The following CELF2 variants were observed in gnomAD, a reference collection of about 807,000 sequenced individuals.
CELF2 encodes CUG triplet repeat RNA-binding protein 2.
In CELF2, 8 loss-of-function variants were observed where a neutral mutation model predicts 62.6. That is an observed-to-expected ratio of 0.13 (90% confidence interval 0.07 to 0.23). The LOEUF is 0.23. Ranked by LOEUF, CELF2 falls within the 10% of genes least tolerant of loss-of-function variation. The pLI is 1.00. For missense variants in CELF2, 333 were observed against 671.0 expected (o/e 0.50, Z 5.56); for synonymous variants, 258 against 250.0 (o/e 1.03, Z -0.30).
At chr10:11,081,372 A>C (rs2073988608) in intron 1 of CELF2, among the ~76,000 whole-genome samples, 1 of 152,200 alleles carries the variant, frequency 6.6e-6, no homozygotes, top group Non-Finnish European at 1.5e-5. Flanking sequence ...GCTTCTTGAA[A>C]ACTCAAGTTT....
intron 1 of CELF2, among the ~76,000 whole-genome samples, chr10:10,832,292 A>G (rs1260608846): frequency 6.6e-6 from 1 of 152,006 alleles, no homozygotes; most frequent in Non-Finnish European, 1.5e-5. Context: ...AAATAAATAA[A>G]TAAATAAGTA....
In CELF2 at chr10:11,260,136, T is replaced by A. The variant is rs1401724793; in HGVS notation, c.538+2264T>A. 6.6e-6 allele frequency among the ~76,000 whole-genome samples: 1 copy of A among 152,252 alleles called. No individual in the cohort carries two copies. The highest frequency in any genetic ancestry group is 1.5e-5 in the Non-Finnish European group (1 of 68,036). On this transcript the variant is annotated intron_variant, in intron 5 of 12. Transcript: ENST00000633077. The surrounding 1 kb of genome is among the most constrained non-coding windows in gnomAD (Gnocchi z 4.2). Reference sequence around the variant, plus strand: ...TATTTTCTTACCTCTGTCCTGAGCTTTCCCCATTTGTAAATGACAGCCGTA... The same window carrying A: ...TATTTTCTTACCTCTGTCCTGAGCTATCCCCATTTGTAAATGACAGCCGTA...
the CELF2 span, among the ~76,000 whole-genome samples, chr10:10,731,491 T>C: frequency 6.6e-6 from 1 of 152,168 alleles, no homozygotes; most frequent in African/African-American, 2.4e-5. Context: ...AGAATCTAAA[T>C]GAAATGACAT....
chr10:11,291,430 G>A (rs542560612), intron 9 of CELF2, among the ~76,000 whole-genome samples: 340 of 152,132 alleles, frequency 2.2e-3, no homozygotes, highest in Non-Finnish European at 4.1e-3. Context: ...CAATAAATAG[G>A]TTCCTTTGTC....
chr10:11,074,785 T>C (rs2071340466), intron 1 of CELF2, among the ~76,000 whole-genome samples: 1 of 152,220 alleles, frequency 6.6e-6, no homozygotes, highest in African/African-American at 2.4e-5. Context: ...GACACAGCTC[T>C]ATTCCAACCT....
the CELF2 span, among the ~76,000 whole-genome samples, chr10:10,717,989 T>C: frequency 6.6e-6 from 1 of 152,180 alleles, no homozygotes; most frequent in Admixed American, 6.5e-5. Context: ...TAATGATCTG[T>C]AATTGTTTCA....
intron 1 of CELF2, among the ~76,000 whole-genome samples, chr10:10,813,659 G>A (rs1237919132): frequency 2.0e-5 from 3 of 152,188 alleles, no homozygotes; most frequent in Admixed American, 2.0e-4. Context: ...CTCCATGAAA[G>A]CACATGGTCT....
Position 11,302,600 on chromosome 10 carries a change from A to G in CELF2, c.977-11539A>G, listed in dbSNP as rs1463613555. Among the ~76,000 whole-genome samples the G allele has an allele frequency of 6.6e-6, 1 of 152,096 alleles. No individual in the cohort carries two copies. The highest frequency in any genetic ancestry group is 2.4e-5 in the African/African-American group (1 of 41,410). On this transcript the variant is annotated intron_variant, in intron 9 of 12. Coordinates refer to ENST00000633077, the MANE Select transcript of CELF2 (RefSeq NM_001326342.2). This position sits in a 1 kb window ranked among gnomAD's most constrained non-coding sequence, Gnocchi z 5.0. Reference sequence around the variant, plus strand: ...CCCTGGGCCAAAGGGACTTGACACCACACAACTGTGGTCTTTTTCTTGGTG... The same window carrying G: ...CCCTGGGCCAAAGGGACTTGACACCGCACAACTGTGGTCTTTTTCTTGGTG...
At chr10:11,155,979 A>G (rs1227168279) in intron 1 of CELF2, among the ~76,000 whole-genome samples, 2 of 152,196 alleles carry the variant, frequency 1.3e-5, no homozygotes, top group African/African-American at 2.4e-5. Context: ...TGAATAATGA[A>G]TGGACAGATA....
chr10:10,495,422 G>A, the CELF2 span, among the ~76,000 whole-genome samples: 3 of 152,312 alleles, frequency 2.0e-5, no homozygotes, highest in East Asian at 5.8e-4. Context: ...CTGTTTGGGT[G>A]TTTCCACCCA....
At chr10:11,129,283 T>C (rs939298540) in intron 1 of CELF2, among the ~76,000 whole-genome samples, 1 of 152,232 alleles carries the variant, frequency 6.6e-6, no homozygotes, top group Non-Finnish European at 1.5e-5. Context: ...GGTTTGCCAG[T>C]ATTTTATTGA....
At chr10:11,277,634 AC>A (rs1347412510) in intron 8 of CELF2, among the ~76,000 whole-genome samples, 3 of 152,254 alleles carry the variant, frequency 2.0e-5, no homozygotes, top group Non-Finnish European at 4.4e-5. Flanking sequence ...AAGAAATATG[AC>A]TTCAGCAATA....
the CELF2 span, among the ~76,000 whole-genome samples, chr10:10,599,856 C>G: frequency 6.6e-6 from 1 of 151,706 alleles, no homozygotes; most frequent in Non-Finnish European, 1.5e-5. Flanking sequence ...CTCAGCCTCC[C>G]GAGTAGCTGG....
At chr10:10,641,590 G>A in the CELF2 span, among the ~76,000 whole-genome samples, 232 of 152,084 alleles carry the variant, frequency 1.5e-3, 2 homozygotes, top group Non-Finnish European at 2.1e-3. Flanking sequence ...ACAGGAGACC[G>A]CCACCACATC....
chr10:10,880,701 G>A (rs1265905150), intron 1 of CELF2, among the ~76,000 whole-genome samples: 1 of 152,234 alleles, frequency 6.6e-6, no homozygotes, highest in Non-Finnish European at 1.5e-5. Context: ...AGCAGAAGTA[G>A]AATAAGCCTC....
At position 11,333,129 on chromosome 10, in the gene CELF2, CTG is replaced by C. The variant is rs965569884; in HGVS notation, c.*4077_*4078del. On this transcript the variant is annotated 3_prime_UTR_variant, in exon 13 of 13. Coordinates refer to ENST00000633077, the MANE Select transcript of CELF2 (RefSeq NM_001326342.2). ...GCATGCATCTCCCCCAGAGGAAACA[CTG>C]AGGGTAGGGGACAGGAGGCTCAGGA... The C allele has an allele frequency of 3.7e-4, 56 of 152,336 alleles. No homozygotes were observed. The highest frequency in any genetic ancestry group is 1.3e-3 in the African/African-American group (53 of 41,564). 9.4% of individuals were successfully genotyped at this position (152,336 alleles called of 1,614,324 possible).
chr10:11,120,179 A>G (rs923568082), intron 1 of CELF2, among the ~76,000 whole-genome samples: 2 of 152,162 alleles, frequency 1.3e-5, no homozygotes, highest in African/African-American at 4.8e-5. Context: ...TTCAGAGTTC[A>G]TATACTATAA....
chr10:11,272,257 G>T (rs1319011730), intron 7 of CELF2, among the ~76,000 whole-genome samples: 1 of 152,210 alleles, frequency 6.6e-6, no homozygotes, highest in Non-Finnish European at 1.5e-5. Flanking sequence ...TTTGTCAGCT[G>T]TCTTGCTAAA....
At chr10:10,880,078 G>T (rs749333863) in intron 1 of CELF2, among the ~76,000 whole-genome samples, 2 of 152,154 alleles carry the variant, frequency 1.3e-5, no homozygotes, top group African/African-American at 4.8e-5. Context: ...GGTAAGAAAC[G>T]GTTCCTCTCT....
Sources: gnomAD v4.1 joint callset for allele counts (sites outside exome capture counted in the v4.1 genomes callset) on GRCh38, gnomAD v4.1.1 for gene constraint, Gnocchi (gnomAD v3.1) non-coding constraint, MANE v1.5 for transcripts, NCBI Gene and HGNC (gene_info 2026-07-23, HGNC 2026-07-21) for gene names.